ANAPC10: variants seen among roughly 807,000 people sequenced by gnomAD.
The protein encoded by ANAPC10 is anaphase-promoting complex subunit 10.
A neutral mutation model predicts 22.0 loss-of-function variants in ANAPC10; 12 were observed. The observed-to-expected ratio is 0.55, with a 90% CI of 0.35 to 0.88. The LOEUF (loss-of-function observed/expected upper bound fraction) is 0.88, where lower values mean the gene tolerates loss of function less well. Among genes scored for constraint, ANAPC10 ranks in the 40% least tolerant of loss-of-function variants. The pLI is 0.01. For missense variants in ANAPC10, 188 were observed against 220.9 expected (o/e 0.85, Z 0.94); for synonymous variants, 65 against 69.5 (o/e 0.94, Z 0.32).
intron 3 of ANAPC10, among the ~76,000 whole-genome samples, chr4:145,065,112 T>TA (rs1251995277): frequency 6.6e-6 from 1 of 151,962 alleles, no homozygotes; most frequent in African/African-American, 2.4e-5. Flanking sequence ...AATAACTAGC[T>TA]AAGTGAGGAA....
chr4:145,011,870 T>C (rs1734369147), intron 4 of ANAPC10, among the ~76,000 whole-genome samples: 1 of 152,010 alleles, frequency 6.6e-6, no homozygotes, highest in Non-Finnish European at 1.5e-5. Flanking sequence ...AGGGAAGCAC[T>C]AGAGTTTAGA....
intron 4 of ANAPC10, among the ~76,000 whole-genome samples, chr4:145,010,567 G>C (rs78753440): frequency 6.6e-6 from 1 of 152,066 alleles, no homozygotes; most frequent in Admixed American, 6.6e-5. Flanking sequence ...GCAAACTATC[G>C]CAAAGACAGA....
At chr4:145,037,378 G>T (rs1738740520) in intron 4 of ANAPC10, among the ~76,000 whole-genome samples, 3 of 151,950 alleles carry the variant, frequency 2.0e-5, no homozygotes, top group Admixed American at 2.0e-4. Context: ...TTTTTTAAAT[G>T]TTTTATTATG....
At chr4:145,071,069 T>C (rs548665147) in intron 3 of ANAPC10, among the ~76,000 whole-genome samples, 34 of 152,316 alleles carry the variant, frequency 2.2e-4, no homozygotes, top group African/African-American at 8.2e-4. Context: ...GTGGTAGTGG[T>C]TGCACAACAC....
chr4:145,097,303 T>C, intron 1 of ANAPC10: 1 of 383,948 alleles, frequency 2.6e-6, no homozygotes, highest in South Asian at 2.0e-5. Flanking sequence ...TTGAAGTGAA[T>C]AACTGGCCCA....
intron 4 of ANAPC10, among the ~76,000 whole-genome samples, chr4:144,996,769 T>C (rs1731677056): frequency 1.3e-5 from 2 of 152,028 alleles, no homozygotes; most frequent in Non-Finnish European, 2.9e-5. Context: ...CTTCAGATGA[T>C]CAGAAATAAC....
chr4:145,090,892 C>A (rs942182122), intron 2 of ANAPC10, among the ~76,000 whole-genome samples: 14 of 152,164 alleles, frequency 9.2e-5, no homozygotes, highest in Admixed American at 2.6e-4. Context: ...CTTTCAATCT[C>A]TAACAAGTTT....
chr4:144,995,205 TAAAG>T lies in ANAPC10; in HGVS notation c.*164_*167del, dbSNP rs1262635748. On this transcript the variant is annotated 3_prime_UTR_variant, in exon 5 of 5. Coordinates refer to ENST00000507656, the MANE Select transcript of ANAPC10 (RefSeq NM_001256706.2). The stretch of plus-strand genomic sequence containing the variant: ...GAGCTTTATTACATGTTAAAGAAAA[TAAAG>T]ATAATATGACCCCAAATTTATTTGT... 11 of 428,756 alleles carry T rather than the reference TAAAG, an allele frequency of 2.6e-5. 1 individual carries two copies. Among genetic ancestry groups the T allele is most frequent in the African/African-American group, 1.2e-4 (6 of 49,236 alleles). 26.6% of individuals were successfully genotyped at this position (428,756 alleles called of 1,614,324 possible).
intron 3 of ANAPC10, among the ~76,000 whole-genome samples, chr4:145,080,512 A>G (rs1232095862): frequency 6.6e-6 from 1 of 152,220 alleles, no homozygotes; most frequent in Non-Finnish European, 1.5e-5. Flanking sequence ...GATGGCCCAC[A>G]AAGTCTAAAA....
At chr4:145,070,776 T>C (rs1744378943) in intron 3 of ANAPC10, among the ~76,000 whole-genome samples, 1 of 152,198 alleles carries the variant, frequency 6.6e-6, no homozygotes, top group South Asian at 2.1e-4. Flanking sequence ...AAACAAAATG[T>C]GGCACAGTCA....
intron 4 of ANAPC10, among the ~76,000 whole-genome samples, chr4:145,031,230 A>G (rs1737528931): frequency 6.6e-6 from 1 of 152,206 alleles, no homozygotes; most frequent in African/African-American, 2.4e-5. Flanking sequence ...AAGATATCAC[A>G]CTGGTCCATT....
chr4:145,007,507 C>G (rs1733578883), intron 4 of ANAPC10, among the ~76,000 whole-genome samples: 1 of 152,048 alleles, frequency 6.6e-6, no homozygotes, highest in Admixed American at 6.6e-5. Context: ...CAAATTACAA[C>G]TCAGGATTAA....
intron 3 of ANAPC10, among the ~76,000 whole-genome samples, chr4:145,072,733 G>C (rs1189301929): frequency 6.6e-6 from 1 of 152,088 alleles, no homozygotes. Flanking sequence ...AGATGGTTCA[G>C]TCACAATCTT....
intron 3 of ANAPC10, among the ~76,000 whole-genome samples, chr4:145,078,191 A>G (rs1198549532): frequency 6.6e-6 from 1 of 152,216 alleles, no homozygotes; most frequent in African/African-American, 2.4e-5. Flanking sequence ...ATACAAAATC[A>G]ATATACAAAA....
At chr4:144,996,674 C>A (rs1731661060) in intron 4 of ANAPC10, among the ~76,000 whole-genome samples, 1 of 152,196 alleles carries the variant, frequency 6.6e-6, no homozygotes, top group African/African-American at 2.4e-5. Context: ...CAGAGCACCT[C>A]TTCTCCTCCA....
chr4:145,010,883 A>G (rs1734197372), intron 4 of ANAPC10, among the ~76,000 whole-genome samples: 1 of 151,926 alleles, frequency 6.6e-6, no homozygotes, highest in African/African-American at 2.4e-5. Flanking sequence ...TATATGGGGA[A>G]AAAAAAACAA....
intron 4 of ANAPC10, among the ~76,000 whole-genome samples, chr4:145,032,488 T>C (rs1195562007): frequency 6.6e-6 from 1 of 152,182 alleles, no homozygotes; most frequent in African/African-American, 2.4e-5. Flanking sequence ...TTGTATCCCA[T>C]ATGAGTGCTC....
Position 145,022,381 on chromosome 4 carries a change from G to A in ANAPC10, c.328-26778C>T, listed in dbSNP as rs866693881. On this transcript the variant is annotated intron_variant, in intron 4 of 4. Transcript: ENST00000507656. Reference sequence around the variant, plus strand: ...CATTCGCAGCGACCTGGATGAGATCGGAGACTATTATTCTAAGTGAAGTCA... The same window carrying A: ...CATTCGCAGCGACCTGGATGAGATCAGAGACTATTATTCTAAGTGAAGTCA... 1.4e-4 allele frequency among the ~76,000 whole-genome samples: 21 copies of A among 152,200 alleles called. 1 individual carries two copies. In the South Asian group the frequency reaches 2.1e-3, roughly 15 times the overall value.
intron 4 of ANAPC10, among the ~76,000 whole-genome samples, chr4:145,017,429 C>A (rs1735346250): frequency 6.6e-6 from 1 of 152,200 alleles, no homozygotes; most frequent in South Asian, 2.1e-4. Flanking sequence ...GATACTATCT[C>A]ACACCAGTTA....
Sources: gnomAD v4.1 joint callset for allele counts (sites outside exome capture counted in the v4.1 genomes callset) on GRCh38, gnomAD v4.1.1 for gene constraint, MANE v1.5 for transcripts, NCBI Gene and HGNC (gene_info 2026-07-23, HGNC 2026-07-21) for gene names.